The following THAP4 variants were observed in gnomAD, a reference collection of about 807,000 sequenced individuals.
THAP4 encodes the protein peroxynitrite isomerase THAP4.
A neutral mutation model predicts 48.1 loss-of-function variants in THAP4; 18 were observed. The observed-to-expected ratio is 0.37, with a 90% confidence interval of 0.26 to 0.56. The LOEUF (loss-of-function observed/expected upper bound fraction) is 0.56, where lower values mean the gene tolerates loss of function less well. THAP4 is among the 20% of genes least tolerant of loss of function. THAP4 has a pLI of 0.78. For synonymous variants in THAP4, 345 were observed against 324.9 expected, an observed-to-expected ratio of 1.06 and a Z score of -0.66; for missense variants, 656 against 774.9, an observed-to-expected ratio of 0.85 and a Z score of 1.82.
chr2:241,590,322 T>G (rs71430350), intron 5 of THAP4, among the ~76,000 whole-genome samples: 8 of 6,288 alleles, frequency 1.3e-3, no homozygotes, highest in East Asian at 5.6e-3. Flanking sequence ...ACTAGGACAC[T>G]CAGAGCTGCC....
chr2:241,605,161 A>G (rs1302920191), intron 3 of THAP4, among the ~76,000 whole-genome samples: 2 of 152,166 alleles, frequency 1.3e-5, no homozygotes, highest in African/African-American at 4.8e-5. Flanking sequence ...GTGCAGATGT[A>G]TTACTTTGAC....
intron 1 of THAP4, 97 bp downstream of exon 1, chr2:241,636,822 CGCGCCCCGGCCGCCGAGGCCCG>C: frequency 2.1e-6 from 1 of 469,268 alleles, no homozygotes; most frequent in Non-Finnish European, 2.8e-6. Flanking sequence ...CCCGCTCCCC[CGCGCCCCGGCCGCCGAGGCCCG>C]GCGCCCCCGC....
chr2:241,588,111 C>A (rs950931237), intron 5 of THAP4, among the ~76,000 whole-genome samples: 1 of 151,768 alleles, frequency 6.6e-6, no homozygotes, highest in Non-Finnish European at 1.5e-5. Flanking sequence ...TTAACAAAGT[C>A]ACATGATACG....
intron 2 of THAP4, among the ~76,000 whole-genome samples, chr2:241,626,479 A>C (rs1292243897): frequency 6.6e-6 from 1 of 152,160 alleles, no homozygotes; most frequent in Non-Finnish European, 1.5e-5. Context: ...AAAAAAACAA[A>C]AACCAAAAAA....
intron 5 of THAP4, among the ~76,000 whole-genome samples, chr2:241,600,899 G>A (rs1473730610): frequency 6.6e-6 from 1 of 151,960 alleles, no homozygotes; most frequent in Non-Finnish European, 1.5e-5. Context: ...CCAGGCCACA[G>A]ACTAGGGAAG....
At chr2:241,611,753 A>G (rs1190850893) in intron 2 of THAP4, among the ~76,000 whole-genome samples, 1 of 151,950 alleles carries the variant, frequency 6.6e-6, no homozygotes, top group African/African-American at 2.4e-5. Flanking sequence ...ATTAAGAAAG[A>G]AAGGCATGCT....
At chr2:241,600,113 C>G (rs1257122086) in intron 5 of THAP4, among the ~76,000 whole-genome samples, 1 of 151,814 alleles carries the variant, frequency 6.6e-6, no homozygotes, top group Non-Finnish European at 1.5e-5. Context: ...GGAGAATCAC[C>G]TGAACCCGAG....
At position 241,610,953 on chromosome 2, in the gene THAP4, G is replaced by T. The variant is rs1237113850; in HGVS notation, c.1241-4480C>A. ...TTAAAACCAGCTTCTGGGGGTCTCC[G>T]AGGGGGACTCTCAGGTAAGTAACAA... is the stretch of plus-strand genomic sequence containing the variant. On this transcript the variant is annotated intron_variant, in intron 2 of 5. Coordinates refer to ENST00000407315, the MANE Select transcript of THAP4 (RefSeq NM_015963.6). The surrounding 1 kb of genome is among the most constrained non-coding windows in gnomAD (Gnocchi z 4.2). 6.6e-6 allele frequency among the ~76,000 whole-genome samples: 1 copy of T among 152,070 alleles called. No homozygotes were observed. The highest frequency in any genetic ancestry group is 1.9e-4 in the East Asian group (1 of 5,186).
chr2:241,629,289 G>T, intron 2 of THAP4, among the ~76,000 whole-genome samples: 1 of 152,068 alleles, frequency 6.6e-6, no homozygotes, highest in East Asian at 1.9e-4. Context: ...AGGCAACATA[G>T]TAAGACCCTA....
chr2:241,637,517 C>A, upstream of THAP4: 1 of 1,437,912 alleles, frequency 7.0e-7, no homozygotes. Context: ...CCATGCCGCC[C>A]GCAGGGCGCC....
intron 5 of THAP4, chr2:241,591,917 TAA>T (rs1455311616): frequency 6.6e-6 from 1 of 152,190 alleles, no homozygotes; most frequent in Admixed American, 6.5e-5. Context: ...AAACAATTTG[TAA>T]AACTCAAAAG....
intron 5 of THAP4, among the ~76,000 whole-genome samples, chr2:241,590,686 G>A (rs1383302025): frequency 1.3e-5 from 2 of 152,070 alleles, no homozygotes; most frequent in African/African-American, 2.4e-5. Flanking sequence ...CTGCTCGGCT[G>A]ATGATGATGG....
chr2:241,633,692 G>C lies in THAP4; in HGVS notation c.465C>G (p.Pro155=). 6.2e-7 allele frequency: 1 copy of C among 1,611,702 alleles called. No individual in the cohort carries two copies. The highest frequency in any genetic ancestry group is 8.5e-7 in the Non-Finnish European group (1 of 1,179,742). The change falls in exon 2 of 6, where the codon CCC becomes CCG. Residue 155 remains proline (P), a synonymous_variant. Transcript: ENST00000407315. The surrounding 1 kb of genome is among the most constrained non-coding windows in gnomAD (Gnocchi z 7.5). ...KQAALQGEAT[P]RAAQEAASQE... is the part of the protein sequence containing the mutation. ...GGCTGGCGGCCTCCTGGGCCGCCCT[G>C]GGTGTGGCTTCACCTTGCAGAGCAG...
intron 3 of THAP4, 35 bp from the exon 4 acceptor site, chr2:241,603,114 C>G: frequency 6.4e-7 from 1 of 1,569,758 alleles, no homozygotes; most frequent in Non-Finnish European, 8.8e-7. Flanking sequence ...AGCCCAGGCA[C>G]TGGCCTCCAA....
upstream of THAP4, chr2:241,637,474 C>T (rs1373752325): frequency 1.4e-6 from 2 of 1,453,080 alleles, no homozygotes; most frequent in Non-Finnish European, 9.0e-7. Context: ...TCCCGTCGGA[C>T]AGCAGAACCA....
intron 2 of THAP4, among the ~76,000 whole-genome samples, chr2:241,630,306 G>A (rs1247221633): frequency 2.0e-5 from 3 of 152,110 alleles, no homozygotes; most frequent in Non-Finnish European, 2.9e-5. Flanking sequence ...CCATTGCAGG[G>A]TTAAGGAACA....
At chr2:241,621,020 C>G (rs765203372) in intron 2 of THAP4, among the ~76,000 whole-genome samples, 6 of 152,034 alleles carry the variant, frequency 3.9e-5, no homozygotes, top group Non-Finnish European at 5.9e-5. Context: ...TCAGGTACGG[C>G]AGAGATTTTA....
rs929186502 is a variant in THAP4, at chr2:241,637,086, G to A, written c.-69C>T. 1.6e-5 allele frequency: 17 copies of A among 1,037,496 alleles called. No individual in the cohort carries two copies. In the African/African-American group the frequency reaches 2.3e-4, roughly 14 times the overall value. 64.3% of individuals were successfully genotyped at this position (1,037,496 alleles called of 1,614,324 possible). ...CGCCCGCCCGCCCGCGGACCGCCCC[G>A]AGGGAGGGAGCGCGGCGGCGACACG... On this transcript the variant is annotated 5_prime_UTR_variant, in exon 1 of 6. Coordinates refer to ENST00000407315, the MANE Select transcript of THAP4 (RefSeq NM_015963.6).
Position 241,620,076 on chromosome 2 carries a change from C to G in THAP4, c.1240+12841G>C, listed in dbSNP as rs370784127. 3.0e-3 allele frequency among the ~76,000 whole-genome samples: 49 copies of G among 16,130 alleles called. 2 individuals are homozygous for G. Among genetic ancestry groups the G allele is most frequent in the South Asian group, 0.015 (3 of 204 alleles). The allele number at this position is 16,130 out of a possible 152,430, so 10.6% of individuals were successfully genotyped here. A position where few individuals can be genotyped will look rare whatever the true frequency, so the allele number is the denominator to read the frequency against. On this transcript the variant is annotated intron_variant, in intron 2 of 5. Transcript: ENST00000407315. ...AGGGGTGAGTGAGGGGTGAGTGAGT[C>G]GTGAGTGAGGGGTGAGTGAGTCGGT...
Sources: allele counts gnomAD v4.1 joint callset (sites outside exome capture counted in the v4.1 genomes callset), GRCh38; gene constraint gnomAD v4.1.1; non-coding constraint Gnocchi (gnomAD v3.1); transcripts MANE v1.5; gene names NCBI Gene and HGNC (gene_info 2026-07-23, HGNC 2026-07-21).